CUEDC2: variants seen among roughly 807,000 people sequenced by gnomAD.
The protein encoded by CUEDC2 is CUE domain containing 2.
Under a neutral mutation model 36.0 loss-of-function variants are expected in CUEDC2, and 10 were observed. The observed-to-expected ratio is 0.28, with a 90% confidence interval of 0.17 to 0.47. CUEDC2 has a LOEUF of 0.47. Among genes scored for constraint, CUEDC2 ranks in the 20% least tolerant of loss-of-function variants. CUEDC2 has a pLI of 0.99. For missense variants in CUEDC2, 269 were observed against 368.1 expected, an observed-to-expected ratio of 0.73 and a Z score of 2.20; for synonymous variants, 133 against 141.8, an observed-to-expected ratio of 0.94 and a Z score of 0.44.
At position 102,424,022 on chromosome 10, in the gene CUEDC2, G is replaced by A. The variant is rs781162377; in HGVS notation, c.568C>T (p.Pro190Ser). ...TGGTTGGGGCCCTCCCAGGCTGCAG[G>A]CCCCTCTTCCTTTCCCTCTACCAGC... ...QMLVEGKEEGPAAWEGPNQDL... is the reference protein window; with the variant it reads ...QMLVEGKEEGSAAWEGPNQDL... The change falls in exon 6 of 9, where the codon CCT becomes TCT. Residue 190 changes from proline (P) to serine (S), a missense_variant. Physicochemically the swap from Pro to Ser is moderately conservative, Grantham distance 74. Coordinates refer to ENST00000369937, the MANE Select transcript of CUEDC2 (RefSeq NM_024040.3). This position sits in a 1 kb window ranked among gnomAD's most constrained non-coding sequence, Gnocchi z 4.2. The A allele has an allele frequency of 6.2e-7, 1 of 1,614,016 alleles. No homozygotes were observed. Among genetic ancestry groups the A allele is most frequent in the African/African-American group, 1.3e-5 (1 of 75,032 alleles).
rs11593146 is a variant in CUEDC2 at position 102,425,224 on chromosome 10, A to C, written c.-10-26T>G. ...CTGAAGGGACACAGACAGGATGGCC[A>C]GGCCTTCTTCTGCCTGCCCCCACCC... On this transcript the variant is annotated intron_variant, in intron 1 of 8. Transcript: ENST00000369937. 7 of 1,583,874 alleles carry C rather than the reference A, an allele frequency of 4.4e-6. No individual in the cohort carries two copies. Among genetic ancestry groups the C allele is most frequent in the Non-Finnish European group, 6.1e-6 (7 of 1,154,030 alleles).
intron 1 of CUEDC2, among the ~76,000 whole-genome samples, chr10:102,431,187 T>G (rs1321587676): frequency 6.6e-6 from 1 of 152,256 alleles, no homozygotes; most frequent in African/African-American, 2.4e-5. Context: ...CCATCCAGGC[T>G]GGAGTGCAGT....
chr10:102,428,029 C>T (rs2061604140), intron 1 of CUEDC2, among the ~76,000 whole-genome samples: 1 of 152,118 alleles, frequency 6.6e-6, no homozygotes, highest in Non-Finnish European at 1.5e-5. Flanking sequence ...GCAACCTCTG[C>T]CTCCTGGGTT....
At chr10:102,431,793 G>T (rs2061617391) in intron 1 of CUEDC2, among the ~76,000 whole-genome samples, 1 of 152,174 alleles carries the variant, frequency 6.6e-6, no homozygotes, top group South Asian at 2.1e-4. Flanking sequence ...CTCCCAGCTA[G>T]CCTGGGAGCT....
intron 1 of CUEDC2, among the ~76,000 whole-genome samples, chr10:102,431,740 G>A (rs1283250051): frequency 6.6e-6 from 1 of 152,122 alleles, no homozygotes; most frequent in Non-Finnish European, 1.5e-5. Flanking sequence ...CATTCTGCAG[G>A]ACTCCCTTTC....
intron 1 of CUEDC2, among the ~76,000 whole-genome samples, chr10:102,427,433 C>T (rs1198679437): frequency 2.0e-5 from 3 of 152,212 alleles, no homozygotes; most frequent in Non-Finnish European, 4.4e-5. Flanking sequence ...TTACAGGCAT[C>T]TCACAGTTAG....
chr10:102,425,943 G>A (rs1012871446), intron 1 of CUEDC2, among the ~76,000 whole-genome samples: 1 of 151,966 alleles, frequency 6.6e-6, no homozygotes, highest in Non-Finnish European at 1.5e-5. Flanking sequence ...TCCATGGCTC[G>A]TCCAGTCACT....
At position 102,424,217 on chromosome 10, in the gene CUEDC2, C is replaced by T. The variant is rs773815230; in HGVS notation, c.412-39G>A. The stretch of plus-strand genomic sequence containing the variant: ...CGTTAACAAGAGGCAATACTCCCCC[C>T]TTTCCAGCCCCCTGGGTCCCTCATC... On this transcript the variant is annotated intron_variant, in intron 5 of 8. Transcript: ENST00000369937. The surrounding 1 kb of genome is among the most constrained non-coding windows in gnomAD (Gnocchi z 4.2). 2 of 1,610,556 alleles carry T rather than the reference C, an allele frequency of 1.2e-6. No homozygotes were observed. Among genetic ancestry groups the T allele is most frequent in the Admixed American group, 3.4e-5 (2 of 59,688 alleles).
rs1277233276 is a variant in CUEDC2 at position 102,424,166 on chromosome 10, C to G, written c.424G>C (p.Glu142Gln). The G allele has an allele frequency of 1.9e-6, 3 of 1,613,938 alleles. No homozygotes were observed. The highest frequency in any genetic ancestry group is 2.5e-6 in the Non-Finnish European group (3 of 1,179,896). The change falls in exon 6 of 9, where the codon GAG becomes CAG. Residue 142 changes from glutamate to glutamine, a missense_variant. Coordinates refer to ENST00000369937, the MANE Select transcript of CUEDC2 (RefSeq NM_024040.3). This position sits in a 1 kb window ranked among gnomAD's most constrained non-coding sequence, Gnocchi z 4.2. ...TCCACCCCTGGCAGAAGCTCCTCCTCAGCGCCAGTTGCCTAAGGGTACAAA... is the reference window on the plus strand; with the variant it reads ...TCCACCCCTGGCAGAAGCTCCTCCTGAGCGCCAGTTGCCTAAGGGTACAAA... Reference protein sequence around the residue: ...ADTQDEATGAEEELLPGVDVL... With the variant: ...ADTQDEATGAQEELLPGVDVL...
intron 1 of CUEDC2, among the ~76,000 whole-genome samples, 152 bp from the exon 2 acceptor site, chr10:102,425,350 C>T (rs915007514): frequency 6.6e-6 from 1 of 151,610 alleles, no homozygotes; most frequent in African/African-American, 2.4e-5. Context: ...GCCCCCTCCT[C>T]CGCCCATCTC....
At chr10:102,428,532 C>T (rs1292795349) in intron 1 of CUEDC2, among the ~76,000 whole-genome samples, 1 of 152,144 alleles carries the variant, frequency 6.6e-6, no homozygotes, top group Non-Finnish European at 1.5e-5. Context: ...GCCTGGGCAC[C>T]CTTCTGCCTC....
chr10:102,423,613 A>G lies in CUEDC2; in HGVS notation c.718-41T>C. ...CAGTGAGTGGCAGAAGCCAGGAGCC[A>G]GTCCCACCCATTCCGCATCCCCAGC... On this transcript the variant is annotated intron_variant, in intron 8 of 8. Coordinates refer to ENST00000369937, the MANE Select transcript of CUEDC2 (RefSeq NM_024040.3). This position sits in a 1 kb window ranked among gnomAD's most constrained non-coding sequence, Gnocchi z 5.6. 1 of 1,614,192 alleles carries G rather than the reference A, an allele frequency of 6.2e-7. No homozygotes were observed. Among genetic ancestry groups the G allele is most frequent in the Non-Finnish European group, 8.5e-7 (1 of 1,180,014 alleles).
At chr10:102,429,033 AAAAAG>A (rs1343528406) in intron 1 of CUEDC2, among the ~76,000 whole-genome samples, 1 of 151,910 alleles carries the variant, frequency 6.6e-6, no homozygotes, top group Non-Finnish European at 1.5e-5. Flanking sequence ...AAAAAAAAAA[AAAAAG>A]AAAAGAAAAA....
chr10:102,424,826 G>T lies in CUEDC2; in HGVS notation c.75-34C>A. The T allele has an allele frequency of 1.2e-6, 2 of 1,604,540 alleles. No individual in the cohort carries two copies. Among genetic ancestry groups the T allele is most frequent in the South Asian group, 1.1e-5 (1 of 90,484 alleles). ...AGGGAACAGGACAAGCCCTGGGTAG[G>T]ACACTGGATGCCTCCAGCACCCCCA... is the stretch of plus-strand genomic sequence containing the variant. On this transcript the variant is annotated intron_variant, in intron 2 of 8. Transcript: ENST00000369937. This position sits in a 1 kb window ranked among gnomAD's most constrained non-coding sequence, Gnocchi z 4.2.
Position 102,424,628 on chromosome 10 carries a change from C to T in CUEDC2, c.218+21G>A. The T allele has an allele frequency of 1.2e-6, 2 of 1,614,230 alleles. No homozygotes were observed. The highest frequency in any genetic ancestry group is 1.7e-5 in the Admixed American group (1 of 60,032). On this transcript the variant is annotated intron_variant, in intron 3 of 8. Coordinates refer to ENST00000369937, the MANE Select transcript of CUEDC2 (RefSeq NM_024040.3). This position sits in a 1 kb window ranked among gnomAD's most constrained non-coding sequence, Gnocchi z 4.2. ...ATAATCAGCCAGCCCCTTCCTCCTC[C>T]TGGCCCTAGCCAGAACCTACCTGGG...
chr10:102,427,281 C>G (rs1401625961), intron 1 of CUEDC2, among the ~76,000 whole-genome samples: 1 of 152,170 alleles, frequency 6.6e-6, no homozygotes, highest in Non-Finnish European at 1.5e-5. Context: ...CGCTCTCTCT[C>G]TCTCTGGAAG....
At position 102,423,458 on chromosome 10, in the gene CUEDC2, GGTT is replaced by G; in HGVS notation, c.829_831del (p.Asn277del). The G allele has an allele frequency of 6.2e-7, 1 of 1,614,218 alleles. No homozygotes were observed. The highest frequency in any genetic ancestry group is 8.5e-7 in the Non-Finnish European group (1 of 1,180,034). ...AAGCGGTACTTTCTGGCTGGCTTGA[GGTT>G]GATGTATGTGGCCTTCATCTCCTCG... On this transcript the variant is annotated inframe_deletion, in exon 9 of 9. Transcript: ENST00000369937. This position sits in a 1 kb window ranked among gnomAD's most constrained non-coding sequence, Gnocchi z 5.6.
intron 1 of CUEDC2, among the ~76,000 whole-genome samples, chr10:102,427,599 G>A (rs2061601983): frequency 6.6e-6 from 1 of 152,084 alleles, no homozygotes; most frequent in Non-Finnish European, 1.5e-5. Flanking sequence ...CAGTCGCCAA[G>A]CCCTAATCAT....
At chr10:102,430,572 C>T (rs537091515) in intron 1 of CUEDC2, among the ~76,000 whole-genome samples, 1 of 152,356 alleles carries the variant, frequency 6.6e-6, no homozygotes, top group East Asian at 1.9e-4. Context: ...AAACTCTTCA[C>T]TGTCCCCAAA....
Sources: gnomAD v4.1 joint callset for allele counts (sites outside exome capture counted in the v4.1 genomes callset) on GRCh38, gnomAD v4.1.1 for gene constraint, Gnocchi (gnomAD v3.1) non-coding constraint, MANE v1.5 for transcripts, NCBI Gene and HGNC (gene_info 2026-07-23, HGNC 2026-07-21) for gene names.